NUP62: variants seen among roughly 807,000 people sequenced by gnomAD.
NUP62 encodes the protein nucleoporin 62, also known as nuclear pore glycoprotein p62.
For synonymous variants in NUP62, 305 were observed against 303.4 expected, an observed-to-expected ratio of 1.01 and a Z score of -0.05; for missense variants, 647 against 689.4, an observed-to-expected ratio of 0.94 and a Z score of 0.69.
At chr19:49,916,737 C>A (rs1276031891) in intron 2 of NUP62, among the ~76,000 whole-genome samples, 1 of 151,562 alleles carries the variant, frequency 6.6e-6, no homozygotes, top group Non-Finnish European at 1.5e-5. Context: ...GCACTCCAGC[C>A]TGGGAGACAG....
At chr19:49,919,408 G>A (rs1185067826) in intron 2 of NUP62, among the ~76,000 whole-genome samples, 3 of 151,890 alleles carry the variant, frequency 2.0e-5, no homozygotes, top group African/African-American at 7.3e-5. Flanking sequence ...TGTTCTTTAT[G>A]TATCTTAGAA....
In NUP62 at chr19:49,916,198, C is replaced by T. The variant is rs1046308437; in HGVS notation, c.-77-6314G>A. Among the ~76,000 whole-genome samples the T allele has an allele frequency of 2.0e-5, 3 of 152,160 alleles. 1 individual carries two copies. Among genetic ancestry groups the T allele is most frequent in the Middle Eastern group, 6.8e-3 (2 of 294 alleles). On this transcript the variant is annotated intron_variant, in intron 2 of 2. Transcript: ENST00000352066. ...CCAAGTCTTGACATTCTGCCTGGGA[C>T]GGGAGAGTTTCATTGAGGAAAAGAT... is the stretch of plus-strand genomic sequence containing the variant.
Position 49,921,488 on chromosome 19 carries a change from C to A in NUP62, c.-78+6206G>T, listed in dbSNP as rs2122728448. On this transcript the variant is annotated intron_variant, in intron 2 of 2. Coordinates refer to ENST00000352066, the MANE Select transcript of NUP62 (RefSeq NM_016553.5). The surrounding 1 kb of genome is among the most constrained non-coding windows in gnomAD (Gnocchi z 5.4). The stretch of plus-strand genomic sequence containing the variant: ...AATCCAATTCAGGATGATCCGCCCG[C>A]CCCAGCTGCAGACGATGGCCTGAGA... Among the ~76,000 whole-genome samples, 3 of 152,344 alleles carry A rather than the reference C, an allele frequency of 2.0e-5. No homozygotes were observed. Among genetic ancestry groups the A allele is most frequent in the East Asian group, 3.9e-4 (2 of 5,184 alleles).
intron 2 of NUP62, among the ~76,000 whole-genome samples, chr19:49,916,490 T>C (rs2075626653): frequency 6.6e-6 from 1 of 151,372 alleles, no homozygotes; most frequent in Non-Finnish European, 1.5e-5. Flanking sequence ...ATACAAAAAT[T>C]AGGCCAGGCG....
rs753378692 is a variant in NUP62, at chr19:49,908,518, A to T, written c.1290T>A (p.Arg430=). 1 of 1,614,054 alleles carries T rather than the reference A, an allele frequency of 6.2e-7. No individual in the cohort carries two copies. Among genetic ancestry groups the T allele is most frequent in the Admixed American group, 1.7e-5 (1 of 60,012 alleles). ...TCTCAGCCAGCTTGTAGGTTTTCTCACGCTCCTCATCCGCGTGCTGCAGGT... is the reference window on the plus strand; with the variant it reads ...TCTCAGCCAGCTTGTAGGTTTTCTCTCGCTCCTCATCCGCGTGCTGCAGGT... ...TIYLQHADEE[R]EKTYKLAENI... is the part of the protein sequence containing the mutation. Residue 430 remains arginine, a synonymous_variant, in exon 3 of 3, where the codon CGT becomes CGA. Transcript: ENST00000352066.
At chr19:49,928,804 C>T (rs2075979714) in intron 1 of NUP62, 1 of 152,286 alleles carries the variant, frequency 6.6e-6, no homozygotes, top group East Asian at 1.9e-4. Context: ...GCAGGAAATT[C>T]TGCAAGCAAG....
intron 2 of NUP62, among the ~76,000 whole-genome samples, chr19:49,910,238 A>G (rs1331816427): frequency 1.3e-5 from 2 of 152,116 alleles, no homozygotes; most frequent in Non-Finnish European, 2.9e-5. Context: ...GAACAGCTGT[A>G]GGACCTGCTC....
intron 2 of NUP62, among the ~76,000 whole-genome samples, chr19:49,914,294 G>T (rs907905468): frequency 2.0e-5 from 3 of 152,192 alleles, no homozygotes; most frequent in African/African-American, 7.2e-5. Flanking sequence ...GGTGCTGGTG[G>T]CGGTGGAGGA....
chr19:49,918,902 GGGGGGGCGGGGTGT>G lies in NUP62; in HGVS notation c.-78+8778_-78+8791del, dbSNP rs1326267338. ...CCCAGCACTTTGGGAGGCTGGGGGGGGGGGGGCGGGGTGTGGGGGGGCGGATCACCTGAGGTCGG... is the reference window on the plus strand; with the variant it reads ...CCCAGCACTTTGGGAGGCTGGGGGGGGGGGGGGCGGATCACCTGAGGTCGG... On this transcript the variant is annotated intron_variant, in intron 2 of 2. Transcript: ENST00000352066. 3.3e-5 allele frequency among the ~76,000 whole-genome samples: 5 copies of G among 149,358 alleles called. No individual in the cohort carries two copies. The South Asian group carries it at 1.2e-3, about 36-fold the overall frequency.
In NUP62 at chr19:49,908,459, T is replaced by A. The variant is rs1350723572; in HGVS notation, c.1349A>T (p.Asp450Val). The A allele has an allele frequency of 5.0e-6, 8 of 1,614,140 alleles. No homozygotes were observed. Among genetic ancestry groups the A allele is most frequent in the Non-Finnish European group, 6.8e-6 (8 of 1,180,038 alleles). The change falls in exon 3 of 3, where the codon GAT (aspartate) becomes GTT (valine). Residue 450 changes from aspartate to valine, a missense_variant. Coordinates refer to ENST00000352066, the MANE Select transcript of NUP62 (RefSeq NM_016553.5). ...IDAQLKRMAQ[D>V]LKDIIEHLNT... ...CAGGTGCTCGATGATGTCCTTGAGATCCTGGGCCATGCGCTTGAGCTGTGC... is the reference window on the plus strand; with the variant it reads ...CAGGTGCTCGATGATGTCCTTGAGAACCTGGGCCATGCGCTTGAGCTGTGC...
rs527541766 is a variant in NUP62, at chr19:49,921,576, T to C, written c.-78+6118A>G. On this transcript the variant is annotated intron_variant, in intron 2 of 2. Transcript: ENST00000352066. This position sits in a 1 kb window ranked among gnomAD's most constrained non-coding sequence, Gnocchi z 5.4. ...ACCCCCATACGTTCCTGCTCTGTGG[T>C]AGGTCAGGAAGAAGAGGGCAAAGGA... is the stretch of plus-strand genomic sequence containing the variant. Among the ~76,000 whole-genome samples the C allele has an allele frequency of 2.5e-3, 382 of 152,242 alleles. 1 individual carries two copies. The highest frequency in any genetic ancestry group is 8.7e-3 in the African/African-American group (362 of 41,542).
In NUP62 at chr19:49,909,532, G is replaced by A. The variant is rs754025997; in HGVS notation, c.276C>T (p.Ile92=). 3.1e-5 allele frequency: 50 copies of A among 1,614,016 alleles called. No homozygotes were observed. The highest frequency in any genetic ancestry group is 4.0e-5 in the Non-Finnish European group (47 of 1,180,038). Residue 92 remains isoleucine, a synonymous_variant, in exon 3 of 3, where the codon ATC becomes ATT. Transcript: ENST00000352066. ...TGCTCAAGTTGAGCTTTGAAGCACC[G>A]ATCCCCAAAGAAAATCCAGTTCCCC... The part of the protein sequence containing the change: ...ASGGTGFSLG[I]GASKLNLSNT...
At position 49,907,975 on chromosome 19, in the gene NUP62, T is replaced by C; in HGVS notation, c.*264A>G. 1 of 613,656 alleles carries C rather than the reference T, an allele frequency of 1.6e-6. No individual in the cohort carries two copies. The highest frequency in any genetic ancestry group is 3.2e-5 in the Admixed American group (1 of 31,514). 38.0% of individuals were successfully genotyped at this position (613,656 alleles called of 1,614,324 possible). On this transcript the variant is annotated 3_prime_UTR_variant, in exon 3 of 3. Coordinates refer to ENST00000352066, the MANE Select transcript of NUP62 (RefSeq NM_016553.5). ...CCAGGCTGAGCCAGGATGAGGTGGGTGGTCGCAGTAGGTGAAAAGGGGCCA... is the reference window on the plus strand; with the variant it reads ...CCAGGCTGAGCCAGGATGAGGTGGGCGGTCGCAGTAGGTGAAAAGGGGCCA...
At position 49,908,123 on chromosome 19, in the gene NUP62, T is replaced by C. The variant is rs1160611393; in HGVS notation, c.*116A>G. On this transcript the variant is annotated 3_prime_UTR_variant, in exon 3 of 3. Transcript: ENST00000352066. ...ACAGCGATCATGTCAAGGGCAGTCA[T>C]GTGAAAGAAAGAAACAAACAAACAA... 1.8e-5 allele frequency: 27 copies of C among 1,518,424 alleles called. No individual in the cohort carries two copies. Among genetic ancestry groups the C allele is most frequent in the Non-Finnish European group, 2.0e-5 (23 of 1,136,240 alleles). 94.1% of individuals were successfully genotyped at this position (1,518,424 alleles called of 1,614,324 possible). A position where few individuals can be genotyped will look rare whatever the true frequency, so the allele number is the denominator to read the frequency against.
At chr19:49,911,554 C>A (rs2075463372) in intron 2 of NUP62, among the ~76,000 whole-genome samples, 1 of 152,106 alleles carries the variant, frequency 6.6e-6, no homozygotes, top group South Asian at 2.1e-4. Flanking sequence ...CTACCCCCAC[C>A]CCTTCCACTG....
chr19:49,921,183 G>A lies in NUP62; in HGVS notation c.-78+6511C>T, dbSNP rs923289737. Among the ~76,000 whole-genome samples, 1 of 152,128 alleles carries A rather than the reference G, an allele frequency of 6.6e-6. No individual in the cohort carries two copies. The highest frequency in any genetic ancestry group is 1.5e-5 in the Non-Finnish European group (1 of 68,026). On this transcript the variant is annotated intron_variant, in intron 2 of 2. Transcript: ENST00000352066. The surrounding 1 kb of genome is among the most constrained non-coding windows in gnomAD (Gnocchi z 5.4). ...CTTTCCCCCAGCAATGTGACGAAGC[G>A]AAACTATCATGGCTCCCATTTATAA...
At position 49,910,300 on chromosome 19, in the gene NUP62, G is replaced by A. The variant is rs182869648; in HGVS notation, c.-77-416C>T. On this transcript the variant is annotated intron_variant, in intron 2 of 2. Coordinates refer to ENST00000352066, the MANE Select transcript of NUP62 (RefSeq NM_016553.5). ...TGGCTGACTCTAGCAGGGTGTGAGC[G>A]GATCAGCTCTTGCCACCCTGAGGGC... Among the ~76,000 whole-genome samples the A allele has an allele frequency of 8.5e-3, 1,289 of 152,082 alleles. 7 individuals carry two copies. Among genetic ancestry groups the A allele is most frequent in the Middle Eastern group, 0.02 (6 of 294 alleles).
intron 2 of NUP62, chr19:49,911,218 A>G (rs1183035663): frequency 2.0e-5 from 3 of 152,238 alleles, no homozygotes; most frequent in Non-Finnish European, 4.4e-5. Flanking sequence ...TCCTTAGAAG[A>G]CGGATTTGAC....
rs564734739 is a variant in NUP62 at position 49,909,839 on chromosome 19, G to C, written c.-32C>G. 15 of 1,609,148 alleles carry C rather than the reference G, an allele frequency of 9.3e-6. No individual in the cohort carries two copies. In the Admixed American group the frequency reaches 1.3e-4, roughly 14 times the overall value. ...GGACTCTGGTGGCGGCAGCTACTCT[G>C]GCTCCCAAAGCAAATCCGTCGGTGT... On this transcript the variant is annotated 5_prime_UTR_variant, in exon 3 of 3. Coordinates refer to ENST00000352066, the MANE Select transcript of NUP62 (RefSeq NM_016553.5).
Sources: allele counts gnomAD v4.1 joint callset (sites outside exome capture counted in the v4.1 genomes callset), GRCh38; gene constraint gnomAD v4.1.1; non-coding constraint Gnocchi (gnomAD v3.1); transcripts MANE v1.5; gene names NCBI Gene and HGNC (gene_info 2026-07-23, HGNC 2026-07-21).